Variants in FSHR observed in about 807,000 individuals in gnomAD.
FSHR encodes the protein follicle stimulating hormone receptor.
A neutral mutation model predicts 52.1 loss-of-function variants in FSHR; 46 were observed. The ratio of observed to expected loss-of-function variants is 0.88; its 90% CI spans 0.70 to 1.13. The LOEUF (loss-of-function observed/expected upper bound fraction) is 1.13, where lower values mean the gene tolerates loss of function less well. FSHR is among the 50% of genes most tolerant of loss of function. The pLI is 0.00. For missense variants in FSHR, 964 were observed against 834.6 expected, an observed-to-expected ratio of 1.16 and a Z score of -1.91; for synonymous variants, 399 against 309.6, an observed-to-expected ratio of 1.29 and a Z score of -3.03.
chr2:49,124,165 T>TA (rs1431102971), intron 1 of FSHR, among the ~76,000 whole-genome samples: 1 of 151,302 alleles, frequency 6.6e-6, no homozygotes, highest in East Asian at 2.0e-4. Flanking sequence ...GCTAATTTTT[T>TA]TTTTTTTTTT....
intron 2 of FSHR, among the ~76,000 whole-genome samples, chr2:49,030,724 T>G (rs1668072166): frequency 6.6e-6 from 1 of 152,166 alleles, no homozygotes; most frequent in Non-Finnish European, 1.5e-5. Context: ...ATTCAGAAAT[T>G]TACAGGTCTG....
intron 1 of FSHR, among the ~76,000 whole-genome samples, chr2:49,095,075 A>G (rs1192601741): frequency 2.0e-5 from 3 of 152,148 alleles, no homozygotes; most frequent in Non-Finnish European, 4.4e-5. Context: ...ATTTAATACA[A>G]TTTCTATCAA....
At chr2:49,144,837 T>C (rs1672812706) in intron 1 of FSHR, among the ~76,000 whole-genome samples, 1 of 152,138 alleles carries the variant, frequency 6.6e-6, no homozygotes, top group South Asian at 2.1e-4. Context: ...TTGCATTTAA[T>C]TTGTTTTTCT....
intron 2 of FSHR, among the ~76,000 whole-genome samples, chr2:49,042,174 T>G (rs1668499523): frequency 6.6e-6 from 1 of 152,174 alleles, no homozygotes; most frequent in African/African-American, 2.4e-5. Flanking sequence ...AAGTACACAT[T>G]CTTCCATATC....
At chr2:49,108,914 A>G (rs1309097714) in intron 1 of FSHR, among the ~76,000 whole-genome samples, 3 of 152,174 alleles carry the variant, frequency 2.0e-5, no homozygotes, top group Non-Finnish European at 2.9e-5. Flanking sequence ...TGTGTCATGA[A>G]GGGAACAAAG....
intron 4 of FSHR, among the ~76,000 whole-genome samples, chr2:48,992,244 T>C (rs1204660350): frequency 1.3e-5 from 2 of 152,112 alleles, no homozygotes; most frequent in Non-Finnish European, 2.9e-5. Context: ...CTAAGACAAA[T>C]ACATATAGCT....
At chr2:49,024,770 C>T (rs1218021783) in intron 2 of FSHR, among the ~76,000 whole-genome samples, 1 of 152,138 alleles carries the variant, frequency 6.6e-6, no homozygotes, top group African/African-American at 2.4e-5. Context: ...AATTAAGAGA[C>T]TCAACTGCAT....
intron 1 of FSHR, among the ~76,000 whole-genome samples, chr2:49,153,290 C>T (rs755915309): frequency 6.6e-6 from 1 of 152,152 alleles, no homozygotes; most frequent in Non-Finnish European, 1.5e-5. Context: ...GTTTAAAATC[C>T]TTGCAATAAA....
chr2:48,980,892 C>T (rs904679702), intron 8 of FSHR, among the ~76,000 whole-genome samples: 1 of 152,082 alleles, frequency 6.6e-6, no homozygotes, highest in Non-Finnish European at 1.5e-5. Context: ...GGTTAAGATG[C>T]TATAGATTCA....
At chr2:49,080,747 C>T (rs139247681) in intron 1 of FSHR, among the ~76,000 whole-genome samples, 13 of 152,290 alleles carry the variant, frequency 8.5e-5, no homozygotes, top group Middle Eastern at 3.4e-3. Context: ...AACTGCCCCT[C>T]CCAGTGGTGG....
intron 1 of FSHR, among the ~76,000 whole-genome samples, chr2:49,115,949 T>C (rs1281047670): frequency 6.6e-6 from 1 of 152,146 alleles, no homozygotes; most frequent in African/African-American, 2.4e-5. Context: ...GACTTGAAGC[T>C]TTCTGAGAGG....
At chr2:49,026,835 C>T (rs777243653) in intron 2 of FSHR, among the ~76,000 whole-genome samples, 4 of 152,140 alleles carry the variant, frequency 2.6e-5, no homozygotes, top group Non-Finnish European at 5.9e-5. Flanking sequence ...TGGTGTCCCT[C>T]AAGCTTTTCC....
chr2:49,055,123 CAATTT>C (rs1669009138), intron 2 of FSHR, among the ~76,000 whole-genome samples: 1 of 151,660 alleles, frequency 6.6e-6, no homozygotes, highest in Non-Finnish European at 1.5e-5. Context: ...TACAGATAGA[CAATTT>C]AATCAAATCA....
At chr2:48,993,178 T>A (rs1368986267) in intron 4 of FSHR, among the ~76,000 whole-genome samples, 1 of 152,150 alleles carries the variant, frequency 6.6e-6, no homozygotes, top group Non-Finnish European at 1.5e-5. Flanking sequence ...TTAAGTAGCA[T>A]CAATATTGTG....
intron 1 of FSHR, among the ~76,000 whole-genome samples, chr2:49,123,653 T>G (rs1267115794): frequency 1.3e-5 from 2 of 152,122 alleles, no homozygotes; most frequent in Non-Finnish European, 2.9e-5. Context: ...CAATTAAAAA[T>G]AAAATACAAC....
At chr2:48,978,308 G>A (rs554630337) in intron 8 of FSHR, among the ~76,000 whole-genome samples, 3 of 152,192 alleles carry the variant, frequency 2.0e-5, no homozygotes, top group East Asian at 3.8e-4. Flanking sequence ...ATTTCCATAA[G>A]TGAGAGCACA....
chr2:48,999,888 A>G (rs1366164420), intron 4 of FSHR, among the ~76,000 whole-genome samples: 1 of 152,086 alleles, frequency 6.6e-6, no homozygotes, highest in East Asian at 1.9e-4. Context: ...GGTGTTTCCT[A>G]GTTCAACCTT....
At chr2:49,019,397 T>A (rs1226302799) in intron 3 of FSHR, among the ~76,000 whole-genome samples, 2 of 152,208 alleles carry the variant, frequency 1.3e-5, no homozygotes, top group African/African-American at 4.8e-5. Context: ...CATTCTATGA[T>A]TCTATGAAAT....
intron 2 of FSHR, among the ~76,000 whole-genome samples, chr2:49,051,237 C>G (rs534416441): frequency 6.6e-6 from 1 of 152,122 alleles, no homozygotes; most frequent in Non-Finnish European, 1.5e-5. Flanking sequence ...ATTTATTTCT[C>G]TTGGGTCAAT....
Sources: allele counts gnomAD v4.1 joint callset (sites outside exome capture counted in the v4.1 genomes callset), GRCh38; gene constraint gnomAD v4.1.1; transcripts MANE v1.5; gene names NCBI Gene and HGNC (gene_info 2026-07-23, HGNC 2026-07-21).